ST8SIA5: variants seen among roughly 807,000 people sequenced by gnomAD.
ST8SIA5 encodes the protein ST8 alpha-N-acetyl-neuraminide alpha-2,8-sialyltransferase 5.
ST8SIA5 carries 24 observed loss-of-function variants against 40.2 expected under a neutral mutation model. That is an observed-to-expected ratio of 0.60 (90% CI 0.43 to 0.84). The LOEUF is 0.84. ST8SIA5 is among the 40% of genes least tolerant of loss of function. The probability of loss-of-function intolerance (pLI) is 0.00; values close to 1 mark genes in which losing one functional copy is unlikely to be tolerated. For missense variants in ST8SIA5, 465 were observed against 498.5 expected (o/e 0.93, Z 0.64); for synonymous variants, 198 against 201.8 (o/e 0.98, Z 0.16).
At chr18:46,748,555 CAAAAAAAAAAA>C (rs71162822) in intron 1 of ST8SIA5, among the ~76,000 whole-genome samples, 1 of 78,390 alleles carries the variant, frequency 1.3e-5, no homozygotes, top group Non-Finnish European at 2.3e-5. Context: ...AACTTCCTCT[CAAAAAAAAAAA>C]AAAAAAAAAG....
In ST8SIA5 at chr18:46,674,799, C is replaced by T. The variant is rs1449358772; in HGVS notation, c.*5243G>A. On this transcript the variant is annotated 3_prime_UTR_variant, in exon 7 of 7. Coordinates refer to ENST00000315087, the MANE Select transcript of ST8SIA5 (RefSeq NM_013305.6). ...GAGGATGCAGGGGGCCATTACCTGA[C>T]TTCTGCAAAAGTGGCCAGATAAAAG... is the stretch of plus-strand genomic sequence containing the variant. The T allele has an allele frequency of 1.3e-5, 2 of 152,616 alleles. No individual in the cohort carries two copies. 9.5% of individuals were successfully genotyped at this position (152,616 alleles called of 1,614,324 possible).
At chr18:46,704,046 G>T (rs1160703016) in intron 2 of ST8SIA5, among the ~76,000 whole-genome samples, 4 of 152,174 alleles carry the variant, frequency 2.6e-5, no homozygotes, top group African/African-American at 7.2e-5. Context: ...ACTCTGCAAG[G>T]ATACCCAAAG....
At chr18:46,703,453 A>G (rs2039638524) in intron 2 of ST8SIA5, among the ~76,000 whole-genome samples, 1 of 152,198 alleles carries the variant, frequency 6.6e-6, no homozygotes, top group Non-Finnish European at 1.5e-5. Flanking sequence ...AAGGGTAGGT[A>G]ATAGTGTCCC....
At chr18:46,680,609 A>G in intron 6 of ST8SIA5, 99 bp from the exon 7 acceptor site, 1 of 1,298,200 alleles carries the variant, frequency 7.7e-7, no homozygotes, top group Non-Finnish European at 1.0e-6. Flanking sequence ...AAAGGACGGA[A>G]GGGACTCATA....
chr18:46,751,459 C>T (rs994499526), intron 1 of ST8SIA5, among the ~76,000 whole-genome samples: 17 of 151,992 alleles, frequency 1.1e-4, no homozygotes, highest in Admixed American at 4.6e-4. Context: ...TGCAATGGTG[C>T]GATCTTGGCT....
Position 46,669,341 on chromosome 18 carries a change from G to A in ST8SIA5, c.*10701C>T, listed in dbSNP as rs2144437871. On this transcript the variant is annotated 3_prime_UTR_variant, in exon 7 of 7. Transcript: ENST00000315087. The stretch of plus-strand genomic sequence containing the variant: ...AAAGGAGATGTCCATCACCCACCAT[G>A]GGTGCCCTGGGCACACCACGCTATC... The A allele has an allele frequency of 6.6e-6, 1 of 152,344 alleles. No homozygotes were observed. The highest frequency in any genetic ancestry group is 1.9e-4 in the East Asian group (1 of 5,144). The allele number at this position is 152,344 out of a possible 1,614,324, so 9.4% of individuals were successfully genotyped here.
At chr18:46,722,292 C>G (rs1158511849) in intron 1 of ST8SIA5, among the ~76,000 whole-genome samples, 2 of 152,212 alleles carry the variant, frequency 1.3e-5, no homozygotes, top group Non-Finnish European at 2.9e-5. Flanking sequence ...TCTTCCCAAG[C>G]CCAGGCAGCC....
Position 46,680,012 on chromosome 18 carries a change from C to T in ST8SIA5, c.*30G>A. The T allele has an allele frequency of 1.3e-6, 2 of 1,574,640 alleles. No homozygotes were observed. The highest frequency in any genetic ancestry group is 1.7e-6 in the Non-Finnish European group (2 of 1,159,406). Reference sequence around the variant, plus strand: ...AGGAGGGACAGCAGGAGAGGGGGCGCCGCTTGCCGGGCAGCCTGGCTGGCA... The same window carrying T: ...AGGAGGGACAGCAGGAGAGGGGGCGTCGCTTGCCGGGCAGCCTGGCTGGCA... On this transcript the variant is annotated 3_prime_UTR_variant, in exon 7 of 7. Coordinates refer to ENST00000315087, the MANE Select transcript of ST8SIA5 (RefSeq NM_013305.6).
rs770281115 is a variant in ST8SIA5, at chr18:46,688,802, G to A, written c.429C>T (p.Asn143=). 1.9e-5 allele frequency: 31 copies of A among 1,613,456 alleles called. No homozygotes were observed. The Admixed American group carries it at 5.0e-4, about 26-fold the overall frequency. ...EVDTSGIYHI[N]QEIFRMFPKD... is the part of the protein sequence containing the mutation. ...TGGGAAACATGCGGAAGATCTCCTG[G>A]TTGATGTGGTAGATGCCACTGGTGT... Residue 143 remains asparagine (N), a synonymous_variant, in exon 4 of 7, where the codon AAC becomes AAT. Coordinates refer to ENST00000315087, the MANE Select transcript of ST8SIA5 (RefSeq NM_013305.6).
At position 46,704,645 on chromosome 18, in the gene ST8SIA5, C is replaced by T. The variant is rs1178094732; in HGVS notation, c.151G>A (p.Gly51Arg). 6.8e-6 allele frequency: 11 copies of T among 1,614,022 alleles called. No homozygotes were observed. The highest frequency in any genetic ancestry group is 8.5e-6 in the Non-Finnish European group (10 of 1,180,030). ...CTTGTGGAGTTATATTCAAAAGGCC[C>T]CTCATAAAATTCAAAGTACCTGGGG... The part of the protein sequence containing the change: ...YIKRYFEFYE[G>R]PFEYNSTRCL... Residue 51 changes from glycine to arginine, a missense_variant, in exon 2 of 7, where the codon GGG (glycine) becomes AGG (arginine). Transcript: ENST00000315087.
chr18:46,732,667 T>G (rs191515168), intron 1 of ST8SIA5, among the ~76,000 whole-genome samples: 1 of 152,304 alleles, frequency 6.6e-6, no homozygotes, highest in East Asian at 1.9e-4. Flanking sequence ...AGAAAATCAT[T>G]CACAAACGTT....
chr18:46,714,512 C>A (rs2039765721), intron 1 of ST8SIA5, among the ~76,000 whole-genome samples: 1 of 152,152 alleles, frequency 6.6e-6, no homozygotes, highest in Admixed American at 6.5e-5. Flanking sequence ...AGTTGACCTG[C>A]AGTGAAGAAG....
At chr18:46,694,889 T>C (rs1273021739) in intron 2 of ST8SIA5, among the ~76,000 whole-genome samples, 4 of 151,442 alleles carry the variant, frequency 2.6e-5, no homozygotes, top group African/African-American at 9.7e-5. Context: ...CCGGGCGCAG[T>C]GGCTCACGTC....
At position 46,678,970 on chromosome 18, in the gene ST8SIA5, C is replaced by T. The variant is rs1599093469; in HGVS notation, c.*1072G>A. On this transcript the variant is annotated 3_prime_UTR_variant, in exon 7 of 7. Coordinates refer to ENST00000315087, the MANE Select transcript of ST8SIA5 (RefSeq NM_013305.6). The stretch of plus-strand genomic sequence containing the variant: ...TCTGCTGTGAGAAGTCCCGCCTTCA[C>T]AGCGGAAGCCTCAGTGATGCTGGTG... 1 of 152,292 alleles carries T rather than the reference C, an allele frequency of 6.6e-6. No homozygotes were observed. The allele number at this position is 152,292 out of a possible 1,614,324, so 9.4% of individuals were successfully genotyped here.
At position 46,756,579 on chromosome 18, in the gene ST8SIA5, CG is replaced by C. The variant is rs1372166034; in HGVS notation, c.-72del. On this transcript the variant is annotated 5_prime_UTR_variant, in exon 1 of 7. Coordinates refer to ENST00000315087, the MANE Select transcript of ST8SIA5 (RefSeq NM_013305.6). ...AATGACTCGCGGGGTTCCGGGGCCC[CG>C]GGGGGCGCGCGGCCGACTTGGCGCC... is the stretch of plus-strand genomic sequence containing the variant. 1.8e-5 allele frequency: 28 copies of C among 1,514,952 alleles called. No homozygotes were observed. The East Asian group carries it at 2.7e-4, about 15-fold the overall frequency. The allele number at this position is 1,514,952 out of a possible 1,614,324, so 93.8% of individuals were successfully genotyped here.
At chr18:46,752,247 C>T (rs574000018) in intron 1 of ST8SIA5, among the ~76,000 whole-genome samples, 45 of 152,118 alleles carry the variant, frequency 3.0e-4, no homozygotes, top group Non-Finnish European at 5.0e-4. Flanking sequence ...TTTTCTCTGG[C>T]GCCTCCTCCT....
At chr18:46,750,002 A>G (rs1269986340) in intron 1 of ST8SIA5, among the ~76,000 whole-genome samples, 1 of 152,222 alleles carries the variant, frequency 6.6e-6, no homozygotes, top group African/African-American at 2.4e-5. Flanking sequence ...TATCACCTTG[A>G]TCTTGAACTT....
At chr18:46,740,621 T>G (rs1402041472) in intron 1 of ST8SIA5, among the ~76,000 whole-genome samples, 1 of 152,190 alleles carries the variant, frequency 6.6e-6, no homozygotes, top group African/African-American at 2.4e-5. Context: ...ACTTGAAGCC[T>G]CTGGACATTT....
chr18:46,735,119 C>T (rs1599144804), intron 1 of ST8SIA5, among the ~76,000 whole-genome samples: 1 of 152,354 alleles, frequency 6.6e-6, no homozygotes, highest in Non-Finnish European at 1.5e-5. Flanking sequence ...AATCGGACTC[C>T]AAGTTCTTCA....
Sources: gnomAD v4.1 joint callset for allele counts (sites outside exome capture counted in the v4.1 genomes callset) on GRCh38, gnomAD v4.1.1 for gene constraint, MANE v1.5 for transcripts, NCBI Gene and HGNC (gene_info 2026-07-23, HGNC 2026-07-21) for gene names.